NXPH1: variants seen among roughly 807,000 people sequenced by gnomAD.
The protein encoded by NXPH1 is neurexophilin 1, also known as neurexophilin-1.
NXPH1 carries 5 observed loss-of-function variants against 23.7 expected under a neutral mutation model. The ratio of observed to expected loss-of-function variants is 0.21; its 90% confidence interval spans 0.11 to 0.44. NXPH1 has a LOEUF of 0.44. Among genes scored for constraint, NXPH1 ranks in the 20% least tolerant of loss-of-function variants. The pLI is 0.99. For missense variants in NXPH1, 324 were observed against 321.6 expected, an observed-to-expected ratio of 1.01 and a Z score of -0.06; for synonymous variants, 144 against 122.2, an observed-to-expected ratio of 1.18 and a Z score of -1.18.
At chr7:8,723,096 A>G (rs532429722) in intron 2 of NXPH1, among the ~76,000 whole-genome samples, 1 of 152,370 alleles carries the variant, frequency 6.6e-6, no homozygotes, top group African/African-American at 2.4e-5. Context: ...CGTTGCAAAC[A>G]TACCCATAAA....
chr7:8,679,679 T>C (rs1821020905), intron 2 of NXPH1, among the ~76,000 whole-genome samples: 1 of 152,188 alleles, frequency 6.6e-6, no homozygotes, highest in East Asian at 1.9e-4. Flanking sequence ...GAAGGCTTGT[T>C]TCATGGTGGC....
chr7:8,483,624 A>T (rs1453733409), intron 2 of NXPH1, among the ~76,000 whole-genome samples: 1 of 152,146 alleles, frequency 6.6e-6, no homozygotes, highest in African/African-American at 2.4e-5. Context: ...CCACATTTCT[A>T]GTGAAATCAT....
chr7:8,728,805 T>C, intron 2 of NXPH1, among the ~76,000 whole-genome samples: 1 of 152,238 alleles, frequency 6.6e-6, no homozygotes, highest in Non-Finnish European at 1.5e-5. Flanking sequence ...ATTCTCTTTT[T>C]TGGTTGTGTC....
At chr7:8,544,601 C>T (rs558746467) in intron 2 of NXPH1, among the ~76,000 whole-genome samples, 4 of 151,528 alleles carry the variant, frequency 2.6e-5, no homozygotes, top group East Asian at 2.0e-4. Flanking sequence ...TAATGTAGAC[C>T]GTACTGAGGC....
chr7:8,584,032 T>G (rs1392455649), intron 2 of NXPH1, among the ~76,000 whole-genome samples: 1 of 152,226 alleles, frequency 6.6e-6, no homozygotes, highest in African/African-American at 2.4e-5. Context: ...GTAAGCTAAT[T>G]TTTCTTCAGA....
chr7:8,507,099 A>G (rs562115793), intron 2 of NXPH1, among the ~76,000 whole-genome samples: 1 of 151,876 alleles, frequency 6.6e-6, no homozygotes, highest in Admixed American at 6.5e-5. Context: ...GGGCTAAGGT[A>G]GTTGTGGCAG....
intron 2 of NXPH1, among the ~76,000 whole-genome samples, chr7:8,479,674 T>C (rs1040838076): frequency 4.6e-5 from 7 of 152,144 alleles, no homozygotes; most frequent in Non-Finnish European, 1.0e-4. Context: ...GCAGGAAATG[T>C]ATAAGATGAA....
At chr7:8,552,132 A>C (rs60131445) in intron 2 of NXPH1, among the ~76,000 whole-genome samples, 50,036 of 148,082 alleles carry the variant, frequency 0.34, 10,602 homozygotes, top group East Asian at 0.5. Flanking sequence ...AAAAAAAAAA[A>C]AAAAAAAAAA....
intron 2 of NXPH1, among the ~76,000 whole-genome samples, chr7:8,448,114 G>T (rs748897254): frequency 4.6e-5 from 7 of 152,236 alleles, no homozygotes; most frequent in Non-Finnish European, 8.8e-5. Flanking sequence ...TAATGGCAAA[G>T]TATTTCCTTA....
chr7:8,529,166 ACTT>A (rs762787494), intron 2 of NXPH1, among the ~76,000 whole-genome samples: 4 of 152,204 alleles, frequency 2.6e-5, no homozygotes, highest in African/African-American at 9.6e-5. Context: ...CATCTCTCTG[ACTT>A]CTTCTGTCCT....
rs117603031 is a variant in NXPH1, at chr7:8,522,885, C to G, written c.54+87118C>G. On this transcript the variant is annotated intron_variant, in intron 2 of 2. Coordinates refer to ENST00000405863, the MANE Select transcript of NXPH1 (RefSeq NM_152745.3). Reference sequence around the variant, plus strand: ...TAGAGTCTACTTTGTACCCATGGGGCTTCCCCTTAGAAAGTGTTACAATGT... The same window carrying G: ...TAGAGTCTACTTTGTACCCATGGGGGTTCCCCTTAGAAAGTGTTACAATGT... 3.3e-3 allele frequency among the ~76,000 whole-genome samples: 505 copies of G among 152,326 alleles called. 3 individuals carry two copies. The highest frequency in any genetic ancestry group is 0.024 in the Middle Eastern group (7 of 294).
chr7:8,512,335 G>C (rs1037125306), intron 2 of NXPH1, among the ~76,000 whole-genome samples: 1 of 152,046 alleles, frequency 6.6e-6, no homozygotes, highest in African/African-American at 2.4e-5. Flanking sequence ...TCCATCATTT[G>C]ACAAACATTT....
At chr7:8,633,704 C>T (rs555544695) in intron 2 of NXPH1, among the ~76,000 whole-genome samples, 52 of 152,202 alleles carry the variant, frequency 3.4e-4, no homozygotes, top group Non-Finnish European at 4.3e-4. Flanking sequence ...AAAAAGAATT[C>T]GTAATTTTTA....
intron 2 of NXPH1, among the ~76,000 whole-genome samples, chr7:8,478,825 A>T (rs1204386030): frequency 6.6e-6 from 1 of 152,018 alleles, no homozygotes; most frequent in East Asian, 1.9e-4. Flanking sequence ...TTATAACAGA[A>T]CAAAATGGAG....
chr7:8,697,337 G>C (rs149584591), intron 2 of NXPH1, among the ~76,000 whole-genome samples: 29 of 152,206 alleles, frequency 1.9e-4, no homozygotes, highest in Non-Finnish European at 3.5e-4. Flanking sequence ...CACTGTGGAT[G>C]CTGCATGGAT....
chr7:8,726,442 G>A (rs530069701), intron 2 of NXPH1, among the ~76,000 whole-genome samples: 190 of 149,836 alleles, frequency 1.3e-3, no homozygotes, highest in South Asian at 3.8e-3. Context: ...CCACTAACTC[G>A]TCATCTAGCA....
intron 2 of NXPH1, among the ~76,000 whole-genome samples, chr7:8,524,410 C>T (rs1201640412): frequency 6.6e-6 from 1 of 152,082 alleles, no homozygotes. Flanking sequence ...GTGGGACTTA[C>T]AGGAGTCTTT....
intron 2 of NXPH1, among the ~76,000 whole-genome samples, chr7:8,493,478 A>C (rs546491293): frequency 6.6e-6 from 1 of 152,142 alleles, no homozygotes; most frequent in African/African-American, 2.4e-5. Flanking sequence ...CATTTGGACT[A>C]TGTGAAGAAA....
intron 2 of NXPH1, among the ~76,000 whole-genome samples, chr7:8,496,302 A>C (rs2128611885): frequency 6.6e-6 from 1 of 152,130 alleles, no homozygotes; most frequent in African/African-American, 2.4e-5. Flanking sequence ...ACAAATCCAG[A>C]AGCCAGGCAT....
Sources: allele counts gnomAD v4.1 joint callset (sites outside exome capture counted in the v4.1 genomes callset), GRCh38; gene constraint gnomAD v4.1.1; transcripts MANE v1.5; gene names NCBI Gene and HGNC (gene_info 2026-07-23, HGNC 2026-07-21).